The following SAMD5 variants were observed in gnomAD, a reference collection of about 807,000 sequenced individuals.
SAMD5 encodes sterile alpha motif domain containing 5.
Under a neutral mutation model 11.3 loss-of-function variants are expected in SAMD5, and 13 were observed. The ratio of observed to expected loss-of-function variants is 1.15; its 90% CI spans 0.75 to 1.83. SAMD5 has a LOEUF of 1.83. SAMD5 is among the 40% of genes most tolerant of loss of function. The probability of loss-of-function intolerance (pLI) is 0.00; values close to 1 mark genes in which losing one functional copy is unlikely to be tolerated. For synonymous variants in SAMD5, 129 were observed against 111.3 expected, an observed-to-expected ratio of 1.16 and a Z score of -1.00; for missense variants, 255 against 239.1, an observed-to-expected ratio of 1.07 and a Z score of -0.44.
chr6:147,678,331 G>A (rs1013703806), intron 1 of SAMD5, among the ~76,000 whole-genome samples: 1 of 152,022 alleles, frequency 6.6e-6, no homozygotes, highest in Non-Finnish European at 1.5e-5. Context: ...CTGTTATAGT[G>A]TCTTCATATT....
chr6:147,815,026 G>A, the SAMD5 span, among the ~76,000 whole-genome samples: 1 of 152,182 alleles, frequency 6.6e-6, no homozygotes, highest in Non-Finnish European at 1.5e-5. Context: ...GGGACAATGA[G>A]GGGCTGAGTG....
chr6:147,613,725 G>A (rs895099481), intron 1 of SAMD5, among the ~76,000 whole-genome samples: 3 of 151,564 alleles, frequency 2.0e-5, no homozygotes, highest in African/African-American at 7.3e-5. Flanking sequence ...GGGTAGAGGA[G>A]GAGGAAGAGG....
chr6:147,663,829 GCC>G (rs1037971668), intron 1 of SAMD5, among the ~76,000 whole-genome samples: 1 of 135,616 alleles, frequency 7.4e-6, no homozygotes, highest in Non-Finnish European at 1.6e-5. Context: ...GAAAGAAAAA[GCC>G]TTATCATCTG....
At chr6:147,861,139 T>C in the SAMD5 span, among the ~76,000 whole-genome samples, 1 of 152,000 alleles carries the variant, frequency 6.6e-6, no homozygotes, top group Non-Finnish European at 1.5e-5. Flanking sequence ...AGAAAGCCCT[T>C]TCTCCATTTC....
chr6:147,563,396 GAAAAC>G (rs929439909), intron 1 of SAMD5, among the ~76,000 whole-genome samples: 1 of 152,102 alleles, frequency 6.6e-6, no homozygotes, highest in Non-Finnish European at 1.5e-5. Context: ...TAGAGACTAG[GAAAAC>G]AAAACAAAAC....
chr6:147,645,176 C>T (rs1482096176), intron 1 of SAMD5, among the ~76,000 whole-genome samples: 1 of 152,150 alleles, frequency 6.6e-6, no homozygotes, highest in Non-Finnish European at 1.5e-5. Context: ...GGACATCTTA[C>T]TGATTTGAAG....
chr6:147,918,688 CTTTTTTTTTTT>C, the SAMD5 span, among the ~76,000 whole-genome samples: 5 of 99,444 alleles, frequency 5.0e-5, no homozygotes, highest in Middle Eastern at 5.7e-3. Flanking sequence ...CACAAGCATT[CTTTTTTTTTTT>C]TTTTTTTTTT....
At chr6:147,659,359 T>A (rs1378372864) in intron 1 of SAMD5, among the ~76,000 whole-genome samples, 2 of 152,184 alleles carry the variant, frequency 1.3e-5, no homozygotes, top group Admixed American at 1.3e-4. Context: ...TGTTTTGCTA[T>A]CAGCAAAGCT....
At chr6:147,805,127 C>G in the SAMD5 span, among the ~76,000 whole-genome samples, 1 of 152,190 alleles carries the variant, frequency 6.6e-6, no homozygotes, top group Non-Finnish European at 1.5e-5. Context: ...AAAGGAGAAT[C>G]AGTTGTATGT....
rs559440841 is a variant in SAMD5, at chr6:147,624,010, C to T, written c.163-113307C>T. 3.3e-5 allele frequency among the ~76,000 whole-genome samples: 5 copies of T among 152,258 alleles called. No individual in the cohort carries two copies. The East Asian group carries it at 9.7e-4, about 29-fold the overall frequency. ...TCAGCCTCCCAAGTAGCTGGGATTA[C>T]AGGCGTGTGCCACCACGCCCAGCTA... is the stretch of plus-strand genomic sequence containing the variant. On this transcript the variant is annotated intron_variant, in intron 1 of 1. Transcript: ENST00000566741.
At chr6:147,889,203 A>G in the SAMD5 span, among the ~76,000 whole-genome samples, 1 of 152,170 alleles carries the variant, frequency 6.6e-6, no homozygotes, top group South Asian at 2.1e-4. Context: ...CTTTTTGAAC[A>G]GTTTCTGTTG....
At chr6:147,905,414 C>T in the SAMD5 span, among the ~76,000 whole-genome samples, 2 of 152,156 alleles carry the variant, frequency 1.3e-5, no homozygotes, top group Admixed American at 1.3e-4. Flanking sequence ...CTCCTGAGTT[C>T]AGGAGACCTG....
the SAMD5 span, among the ~76,000 whole-genome samples, chr6:147,880,628 C>G: frequency 1.3e-5 from 2 of 152,108 alleles, no homozygotes; most frequent in African/African-American, 4.8e-5. Context: ...TCTCGGAACC[C>G]CTCAGACAAT....
intron 1 of SAMD5, among the ~76,000 whole-genome samples, chr6:147,654,504 CTTATTA>C (rs144262697): frequency 9.9e-5 from 15 of 151,794 alleles, no homozygotes; most frequent in Non-Finnish European, 1.9e-4. Context: ...TGCTACATGG[CTTATTA>C]TTATTATTAT....
the SAMD5 span, among the ~76,000 whole-genome samples, chr6:147,924,513 A>T: frequency 1.3e-5 from 2 of 152,120 alleles, no homozygotes; most frequent in African/African-American, 4.8e-5. Context: ...AAAATTTTAA[A>T]TTTTAAATCT....
chr6:147,741,921 C>T (rs1016090820), downstream of SAMD5: 5 of 152,106 alleles, frequency 3.3e-5, no homozygotes, highest in South Asian at 2.1e-4. Flanking sequence ...TTATTAGGCA[C>T]CTCAAAACTA....
the SAMD5 span, among the ~76,000 whole-genome samples, chr6:147,858,937 A>G: frequency 6.6e-6 from 1 of 152,212 alleles, no homozygotes; most frequent in Admixed American, 6.5e-5. Context: ...GGATGGAAAA[A>G]AGACAACACC....
the SAMD5 span, among the ~76,000 whole-genome samples, chr6:147,751,443 T>C: frequency 0.056 from 8,508 of 152,232 alleles, 515 homozygotes; most frequent in African/African-American, 0.15. Flanking sequence ...CAGTTCCTGG[T>C]ACATAGTAAG....
At chr6:147,631,088 T>C (rs1375730609) in intron 1 of SAMD5, among the ~76,000 whole-genome samples, 1 of 152,062 alleles carries the variant, frequency 6.6e-6, no homozygotes, top group Non-Finnish European at 1.5e-5. Flanking sequence ...CAAGCGGGAT[T>C]AGGGGCAGCA....
Sources: allele counts gnomAD v4.1 joint callset (sites outside exome capture counted in the v4.1 genomes callset), GRCh38; gene constraint gnomAD v4.1.1; transcripts MANE v1.5; gene names NCBI Gene and HGNC (gene_info 2026-07-23, HGNC 2026-07-21).